IQCH: variants seen among roughly 807,000 people sequenced by gnomAD.
IQCH encodes IQ motif containing H, also known as IQ domain-containing protein H.
IQCH carries 98 observed loss-of-function variants against 117.0 expected under a neutral mutation model. That is an observed-to-expected ratio of 0.84 (90% confidence interval 0.71 to 0.99). The LOEUF is 0.99. Ranked by LOEUF, IQCH falls within the 50% of genes least tolerant of loss-of-function variation. The probability of loss-of-function intolerance (pLI) is 0.00; values close to 1 mark genes in which losing one functional copy is unlikely to be tolerated. For synonymous variants in IQCH, 412 were observed against 448.2 expected (o/e 0.92, Z 1.02); for missense variants, 1,102 against 1,243.8 (o/e 0.89, Z 1.72).
intron 18 of IQCH, among the ~76,000 whole-genome samples, chr15:67,480,043 A>AT (rs1379858863): frequency 6.6e-6 from 1 of 152,242 alleles, no homozygotes; most frequent in East Asian, 1.9e-4. Flanking sequence ...AATGAAAGCC[A>AT]TATGGAGAAA....
intron 4 of IQCH, among the ~76,000 whole-genome samples, chr15:67,323,305 C>T (rs1406893031): frequency 7.4e-6 from 1 of 134,290 alleles, no homozygotes; most frequent in African/African-American, 2.9e-5. Context: ...TGCAGTGGTG[C>T]GATCTCGGCT....
chr15:67,272,773 C>G (rs1171968559), intron 3 of IQCH, among the ~76,000 whole-genome samples: 2 of 152,134 alleles, frequency 1.3e-5, no homozygotes, highest in Non-Finnish European at 1.5e-5. Context: ...CATAGAATAT[C>G]AACTCCATGT....
Position 67,453,957 on chromosome 15 carries a change from C to T in IQCH, c.2506-11170C>T, listed in dbSNP as rs1462994650. On this transcript the variant is annotated intron_variant, in intron 16 of 20. Transcript: ENST00000335894. This position sits in a 1 kb window ranked among gnomAD's most constrained non-coding sequence, Gnocchi z 5.8. The stretch of plus-strand genomic sequence containing the variant: ...GGCACCCCTCCCCCAGCCTCGCTGC[C>T]GCCTTGCAGTTCGATCTGGGACTGC... Among the ~76,000 whole-genome samples the T allele has an allele frequency of 3.9e-5, 6 of 152,246 alleles. No homozygotes were observed. Among genetic ancestry groups the T allele is most frequent in the South Asian group, 2.1e-4 (1 of 4,834 alleles).
intron 4 of IQCH, among the ~76,000 whole-genome samples, chr15:67,294,184 C>T (rs1160097723): frequency 1.3e-5 from 2 of 152,084 alleles, no homozygotes; most frequent in African/African-American, 4.8e-5. Context: ...TATGTTCTTC[C>T]AACAATTTTT....
At position 67,500,486 on chromosome 15, in the gene IQCH, G is replaced by T. The variant is rs551560994; in HGVS notation, c.2971-147G>T. 1 of 416,948 alleles carries T rather than the reference G, an allele frequency of 2.4e-6. No individual in the cohort carries two copies. The highest frequency in any genetic ancestry group is 3.6e-5 in the East Asian group (1 of 27,566). The allele number at this position is 416,948 out of a possible 1,614,324, so 25.8% of individuals were successfully genotyped here. On this transcript the variant is annotated intron_variant, in intron 20 of 20. Transcript: ENST00000335894. This position sits in a 1 kb window ranked among gnomAD's most constrained non-coding sequence, Gnocchi z 4.4. ...TTACTCATTTCAGCAAGACTGGTAAGCCATAATCTGTAGACAAATGCCAGT... is the reference window on the plus strand; with the variant it reads ...TTACTCATTTCAGCAAGACTGGTAATCCATAATCTGTAGACAAATGCCAGT...
At chr15:67,414,440 G>T (rs2081524051) in intron 14 of IQCH, among the ~76,000 whole-genome samples, 1 of 152,026 alleles carries the variant, frequency 6.6e-6, no homozygotes, top group Non-Finnish European at 1.5e-5. Context: ...AGCAAGGGGA[G>T]GCAGAGGAGG....
chr15:67,329,681 C>G (rs1207378523), intron 4 of IQCH, among the ~76,000 whole-genome samples: 2 of 152,066 alleles, frequency 1.3e-5, no homozygotes, highest in Non-Finnish European at 2.9e-5. Flanking sequence ...GTGGCTTAGT[C>G]TGGTCTCGAA....
chr15:67,442,785 C>G (rs1196467601), intron 16 of IQCH, among the ~76,000 whole-genome samples: 1 of 150,960 alleles, frequency 6.6e-6, no homozygotes, highest in Non-Finnish European at 1.5e-5. Flanking sequence ...AACCCAAATG[C>G]CCATCAATCA....
rs916266990 is a variant in IQCH at position 67,425,962 on chromosome 15, C to T, written c.2505+4385C>T. Among the ~76,000 whole-genome samples, 4 of 152,160 alleles carry T rather than the reference C, an allele frequency of 2.6e-5. No individual in the cohort carries two copies. Among genetic ancestry groups the T allele is most frequent in the Non-Finnish European group, 5.9e-5 (4 of 68,022 alleles). The stretch of plus-strand genomic sequence containing the variant: ...TTGATACTTTCATTGTTTTGATGCT[C>T]AGTTGTTCCAGATTTGGCCAGTGAG... On this transcript the variant is annotated intron_variant, in intron 16 of 20. Transcript: ENST00000335894. This position sits in a 1 kb window ranked among gnomAD's most constrained non-coding sequence, Gnocchi z 5.5.
chr15:67,380,472 G>A (rs1970889017), intron 10 of IQCH, among the ~76,000 whole-genome samples: 1 of 152,086 alleles, frequency 6.6e-6, no homozygotes, highest in Non-Finnish European at 1.5e-5. Context: ...GCCATCTTTT[G>A]GGAACCCACC....
chr15:67,490,609 T>C lies in IQCH; in HGVS notation c.2861+545T>C, dbSNP rs150585266. ...AAGATTTAGATTTAACAACATATTA[T>C]ACCCAAATGCATACACAGATAAGGC... On this transcript the variant is annotated intron_variant, in intron 19 of 20. Coordinates refer to ENST00000335894, the MANE Select transcript of IQCH (RefSeq NM_001031715.3). The surrounding 1 kb of genome is among the most constrained non-coding windows in gnomAD (Gnocchi z 4.9). 4.6e-5 allele frequency among the ~76,000 whole-genome samples: 7 copies of C among 152,336 alleles called. No homozygotes were observed. In the East Asian group the frequency reaches 1.3e-3, roughly 29 times the overall value.
chr15:67,271,177 G>T (rs71400364), intron 3 of IQCH, among the ~76,000 whole-genome samples: 31,885 of 152,074 alleles, frequency 0.21, 4,066 homozygotes, highest in East Asian at 0.47. Context: ...ACCATGCTGG[G>T]CAGGCTGGTC....
chr15:67,334,185 TATATC>T (rs1968791071), intron 4 of IQCH, among the ~76,000 whole-genome samples: 1 of 152,178 alleles, frequency 6.6e-6, no homozygotes, highest in Non-Finnish European at 1.5e-5. Context: ...TGATTTATAT[TATATC>T]ATATTATACA....
intron 13 of IQCH, among the ~76,000 whole-genome samples, chr15:67,397,986 AAT>A (rs1971524435): frequency 6.6e-6 from 1 of 152,178 alleles, no homozygotes; most frequent in Non-Finnish European, 1.5e-5. Context: ...AGCACTGTTC[AAT>A]TTTCACTTAA....
At chr15:67,294,432 T>C (rs550146593) in intron 4 of IQCH, among the ~76,000 whole-genome samples, 1 of 152,174 alleles carries the variant, frequency 6.6e-6, no homozygotes, top group Non-Finnish European at 1.5e-5. Flanking sequence ...AAGCAAAATA[T>C]TTCCACGTGT....
At chr15:67,446,223 T>C (rs1240608052) in intron 16 of IQCH, among the ~76,000 whole-genome samples, 1 of 152,212 alleles carries the variant, frequency 6.6e-6, no homozygotes, top group East Asian at 1.9e-4. Context: ...AAGAAAGAAA[T>C]TTGAAGAAAG....
chr15:67,438,522 G>A (rs1188891644), intron 16 of IQCH, among the ~76,000 whole-genome samples: 1 of 152,146 alleles, frequency 6.6e-6, no homozygotes, highest in African/African-American at 2.4e-5. Context: ...AAAGTACACA[G>A]GCAACGAAGA....
Position 67,490,109 on chromosome 15 carries a change from A to C in IQCH, c.2861+45A>C, listed in dbSNP as rs1332209547. The C allele has an allele frequency of 1.4e-6, 1 of 699,504 alleles. No individual in the cohort carries two copies. The highest frequency in any genetic ancestry group is 3.1e-5 in the Admixed American group (1 of 32,300). The allele number at this position is 699,504 out of a possible 1,614,324, so 43.3% of individuals were successfully genotyped here. A position where few individuals can be genotyped will look rare whatever the true frequency, so the allele number is the denominator to read the frequency against. On this transcript the variant is annotated intron_variant, in intron 19 of 20. Transcript: ENST00000335894. This position sits in a 1 kb window ranked among gnomAD's most constrained non-coding sequence, Gnocchi z 4.9. Reference sequence around the variant, plus strand: ...GTGAGTTGCAATAAGCTAAGGAAATAGACAATCACAACTAACAAGAATGAT... The same window carrying C: ...GTGAGTTGCAATAAGCTAAGGAAATCGACAATCACAACTAACAAGAATGAT...
intron 6 of IQCH, among the ~76,000 whole-genome samples, chr15:67,353,965 C>T (rs991886100): frequency 1.3e-5 from 2 of 152,144 alleles, no homozygotes; most frequent in Non-Finnish European, 2.9e-5. Flanking sequence ...CTTTTAAACA[C>T]ACACACACAG....
Sources: allele counts gnomAD v4.1 joint callset (sites outside exome capture counted in the v4.1 genomes callset), GRCh38; gene constraint gnomAD v4.1.1; non-coding constraint Gnocchi (gnomAD v3.1); transcripts MANE v1.5; gene names NCBI Gene and HGNC (gene_info 2026-07-23, HGNC 2026-07-21).